Variants in SUGCT observed in about 807,000 individuals in gnomAD.
The protein encoded by SUGCT is succinyl-CoA:glutarate CoA-transferase.
A neutral mutation model predicts 55.0 loss-of-function variants in SUGCT; 41 were observed. The ratio of observed to expected loss-of-function variants is 0.74; its 90% CI spans 0.58 to 0.97. The LOEUF (loss-of-function observed/expected upper bound fraction) is 0.97. Ranked by LOEUF, SUGCT falls within the 50% of genes least tolerant of loss-of-function variation. The pLI, the probability that SUGCT is intolerant of heterozygous loss-of-function variation, is 0.00. For missense variants in SUGCT, 568 were observed against 547.8 expected, an observed-to-expected ratio of 1.04 and a Z score of -0.37; for synonymous variants, 187 against 200.4, an observed-to-expected ratio of 0.93 and a Z score of 0.56.
chr7:40,324,252 A>ATATATATATATATATAT (rs1554311560), intron 9 of SUGCT, among the ~76,000 whole-genome samples: 17 of 117,612 alleles, frequency 1.4e-4, no homozygotes, highest in Non-Finnish European at 2.2e-4. Flanking sequence ...TAAATAAATA[A>ATATATATATATATATAT]ATATATATAT....
At chr7:40,218,986 A>G (rs962687824) in intron 6 of SUGCT, among the ~76,000 whole-genome samples, 2 of 152,178 alleles carry the variant, frequency 1.3e-5, no homozygotes, top group African/African-American at 4.8e-5. Flanking sequence ...GCTCCTTGCA[A>G]TAAGTCTTGC....
At chr7:40,278,711 T>C (rs1045155965) in intron 8 of SUGCT, among the ~76,000 whole-genome samples, 4 of 152,140 alleles carry the variant, frequency 2.6e-5, no homozygotes, top group African/African-American at 9.7e-5. Flanking sequence ...CATCTTTCTT[T>C]ACTTTCCTGT....
intron 10 of SUGCT, 31 bp from the exon 11 acceptor site, chr7:40,459,070 C>A (rs913285404): frequency 2.0e-6 from 3 of 1,484,836 alleles, no homozygotes; most frequent in Non-Finnish European, 2.8e-6. Flanking sequence ...CTACCTATTT[C>A]TTATACTGGA....
At chr7:40,907,104 TGTGTGTGTG>T in the SUGCT span, among the ~76,000 whole-genome samples, 19,891 of 112,854 alleles carry the variant, frequency 0.18, 1,541 homozygotes, top group African/African-American at 0.29. Context: ...ATAGTGTGTG[TGTGTGTGTG>T]TGTGTGTGTG....
chr7:40,560,446 C>T (rs764313601), intron 12 of SUGCT, among the ~76,000 whole-genome samples: 2 of 152,164 alleles, frequency 1.3e-5, no homozygotes, highest in Non-Finnish European at 2.9e-5. Context: ...CTCATTGTTA[C>T]TTGCTTTTTC....
chr7:40,360,259 C>A (rs1441946566), intron 9 of SUGCT, among the ~76,000 whole-genome samples: 1 of 152,208 alleles, frequency 6.6e-6, no homozygotes, highest in Non-Finnish European at 1.5e-5. Flanking sequence ...AGTGACCCGC[C>A]CGCCTTGGCC....
chr7:40,282,513 AAAC>A (rs1242971978), intron 8 of SUGCT, among the ~76,000 whole-genome samples: 1 of 151,448 alleles, frequency 6.6e-6, no homozygotes, highest in African/African-American at 2.4e-5. Flanking sequence ...ACAAACAAAC[AAAC>A]AAAAAAACCA....
intron 12 of SUGCT, among the ~76,000 whole-genome samples, chr7:40,558,090 A>G (rs1434640643): frequency 5.5e-5 from 8 of 146,682 alleles, no homozygotes; most frequent in Admixed American, 5.3e-4. Flanking sequence ...TGGGATGGCT[A>G]TTCCATACAA....
At chr7:40,175,599 A>C (rs536532361) in intron 1 of SUGCT, among the ~76,000 whole-genome samples, 1 of 152,162 alleles carries the variant, frequency 6.6e-6, no homozygotes, top group African/African-American at 2.4e-5. Flanking sequence ...GATCTGCAGC[A>C]CTATAACTCA....
In SUGCT at chr7:40,770,814, C is replaced by T. The variant is rs1476818454; in HGVS notation, c.1153+21317C>T. ...TTCCTAATCCCCAATGCACTGGTGTCCCTCCTGTATGCTCCCCACATCCTG... is the reference window on the plus strand; with the variant it reads ...TTCCTAATCCCCAATGCACTGGTGTTCCTCCTGTATGCTCCCCACATCCTG... On this transcript the variant is annotated intron_variant, in intron 13 of 13. Transcript: ENST00000335693. Among the ~76,000 whole-genome samples, 4 of 152,144 alleles carry T rather than the reference C, an allele frequency of 2.6e-5. No homozygotes were observed. In the South Asian group the frequency reaches 8.3e-4, roughly 32 times the overall value.
chr7:40,154,593 G>C (rs1277554005), intron 1 of SUGCT, among the ~76,000 whole-genome samples: 2 of 151,968 alleles, frequency 1.3e-5, no homozygotes, highest in African/African-American at 4.8e-5. Flanking sequence ...TCCTCCCAAA[G>C]TTTTGGGATT....
intron 9 of SUGCT, among the ~76,000 whole-genome samples, chr7:40,325,484 T>C (rs1474486723): frequency 6.6e-6 from 1 of 152,194 alleles, no homozygotes; most frequent in Non-Finnish European, 1.5e-5. Context: ...TATGTATTTA[T>C]AAAATTTTTG....
intron 8 of SUGCT, among the ~76,000 whole-genome samples, chr7:40,284,303 A>G (rs1793169002): frequency 6.6e-6 from 1 of 152,110 alleles, no homozygotes; most frequent in Non-Finnish European, 1.5e-5. Context: ...TATCATTAAA[A>G]CACAAGTATA....
intron 13 of SUGCT, among the ~76,000 whole-genome samples, chr7:40,826,600 G>C (rs1367262960): frequency 6.6e-6 from 1 of 152,174 alleles, no homozygotes; most frequent in Non-Finnish European, 1.5e-5. Flanking sequence ...GCTTGCCGCA[G>C]GCTACAGAAA....
At chr7:40,985,801 G>T in the SUGCT span, among the ~76,000 whole-genome samples, 1 of 152,176 alleles carries the variant, frequency 6.6e-6, no homozygotes, top group East Asian at 1.9e-4. Flanking sequence ...TCACTCTGTG[G>T]ACAGAAGGAT....
Position 40,164,585 on chromosome 7 carries a change from T to G in SUGCT, c.101-16362T>G, listed in dbSNP as rs192465084. On this transcript the variant is annotated intron_variant, in intron 1 of 13. Transcript: ENST00000335693. ...TGAATTGGAAGGTGAATTCCTATTT[T>G]GTTTTTTATTATGCATAAACATTTG... Among the ~76,000 whole-genome samples the G allele has an allele frequency of 1.1e-4, 17 of 152,340 alleles. No individual in the cohort carries two copies. The East Asian group carries it at 3.1e-3, about 28-fold the overall frequency.
intron 13 of SUGCT, among the ~76,000 whole-genome samples, chr7:40,810,279 A>G (rs530983948): frequency 6.6e-6 from 1 of 152,092 alleles, no homozygotes; most frequent in South Asian, 2.1e-4. Context: ...TTGGATACAT[A>G]CCTAGTAATG....
chr7:40,451,175 A>C (rs1399409829), intron 10 of SUGCT, among the ~76,000 whole-genome samples: 1 of 152,162 alleles, frequency 6.6e-6, no homozygotes, highest in African/African-American at 2.4e-5. Flanking sequence ...CATTGCTATA[A>C]ACGAGTACAG....
intron 9 of SUGCT, among the ~76,000 whole-genome samples, chr7:40,362,287 C>T (rs1010516796): frequency 2.0e-5 from 3 of 152,010 alleles, no homozygotes; most frequent in Non-Finnish European, 2.9e-5. Flanking sequence ...GGTGTGGTGG[C>T]GCATGCCTCT....
Sources: gnomAD v4.1 joint callset for allele counts (sites outside exome capture counted in the v4.1 genomes callset) on GRCh38, gnomAD v4.1.1 for gene constraint, MANE v1.5 for transcripts, NCBI Gene and HGNC (gene_info 2026-07-23, HGNC 2026-07-21) for gene names.